Variants in PDGFC observed in about 807,000 individuals in gnomAD.
PDGFC encodes the protein platelet-derived growth factor C.
PDGFC carries 12 observed loss-of-function variants against 35.5 expected under a neutral mutation model. That is an observed-to-expected ratio of 0.34 (90% CI 0.22 to 0.55). PDGFC has a LOEUF of 0.55. PDGFC is among the 20% of genes least tolerant of loss of function. The pLI is 0.91. For missense variants in PDGFC, 322 were observed against 412.4 expected (o/e 0.78, Z 1.90); for synonymous variants, 159 against 148.8 (o/e 1.07, Z -0.50).
intron 1 of PDGFC, chr4:156,967,472 G>A (rs987111872): frequency 6.6e-6 from 1 of 152,126 alleles, no homozygotes. Context: ...CCGTAGCGAA[G>A]AGCGGCATAT....
chr4:156,928,003 C>G (rs1285039941), intron 1 of PDGFC, among the ~76,000 whole-genome samples: 1 of 152,182 alleles, frequency 6.6e-6, no homozygotes, highest in South Asian at 2.1e-4. Context: ...GCAATCCTTA[C>G]ATGGTGGTGG....
At chr4:156,948,413 G>T (rs773573457) in intron 1 of PDGFC, among the ~76,000 whole-genome samples, 11 of 151,862 alleles carry the variant, frequency 7.2e-5, no homozygotes, top group Non-Finnish European at 1.0e-4. Context: ...TCCACATCGA[G>T]CTCTGGGATA....
At chr4:156,845,793 T>C (rs544314614) in intron 2 of PDGFC, among the ~76,000 whole-genome samples, 1 of 152,010 alleles carries the variant, frequency 6.6e-6, no homozygotes, top group South Asian at 2.1e-4. Flanking sequence ...ACATTTAATA[T>C]GTGTTTACTT....
intron 1 of PDGFC, among the ~76,000 whole-genome samples, chr4:156,960,760 C>T (rs944800492): frequency 6.6e-6 from 1 of 151,880 alleles, no homozygotes; most frequent in Admixed American, 6.6e-5. Context: ...TTCACAAAAC[C>T]ACCAACTACT....
intron 1 of PDGFC, among the ~76,000 whole-genome samples, chr4:156,965,441 T>A (rs1000963128): frequency 1.1e-4 from 16 of 152,172 alleles, no homozygotes; most frequent in African/African-American, 3.9e-4. Flanking sequence ...TAAACAAGAA[T>A]ATCAAGGAGT....
chr4:156,863,411 C>T (rs1729763764), intron 1 of PDGFC, among the ~76,000 whole-genome samples: 1 of 152,092 alleles, frequency 6.6e-6, no homozygotes, highest in Admixed American at 6.6e-5. Context: ...TTTCCTATTG[C>T]CTCTTTATTC....
intron 1 of PDGFC, among the ~76,000 whole-genome samples, chr4:156,872,080 T>C: frequency 6.6e-6 from 1 of 152,136 alleles, no homozygotes; most frequent in East Asian, 1.9e-4. Context: ...CTATACACAA[T>C]GGAAGACGAC....
At chr4:156,969,543 AC>A (rs1449266470) in intron 1 of PDGFC, among the ~76,000 whole-genome samples, 2 of 152,228 alleles carry the variant, frequency 1.3e-5, no homozygotes, top group African/African-American at 4.8e-5. Flanking sequence ...ATACCCTAAA[AC>A]TTTCTGTGCT....
chr4:156,786,890 T>C (rs1731143367), intron 3 of PDGFC, among the ~76,000 whole-genome samples: 10 of 152,170 alleles, frequency 6.6e-5, no homozygotes, highest in Admixed American at 6.5e-4. Flanking sequence ...TTTAAAAGGA[T>C]CACACTCACT....
intron 1 of PDGFC, among the ~76,000 whole-genome samples, chr4:156,881,897 G>A (rs1730253243): frequency 6.7e-6 from 1 of 150,248 alleles, no homozygotes; most frequent in Non-Finnish European, 1.5e-5. Flanking sequence ...TGCCATCCAT[G>A]TAAGACATGA....
Position 156,970,928 on chromosome 4 carries a change from C to T in PDGFC, c.-25G>A. On this transcript the variant is annotated 5_prime_UTR_variant, in exon 1 of 6. It adds an upstream start codon to the 5' untranslated region. Transcript: ENST00000502773. ...TTTGGCTGACTGGGGTGAGAGCTCA[C>T]TCACGGCGGGCACTTTGGAAGCAGC... 2 of 1,499,616 alleles carry T rather than the reference C, an allele frequency of 1.3e-6. No individual in the cohort carries two copies. Among genetic ancestry groups the T allele is most frequent in the Admixed American group, 3.4e-5 (2 of 59,522 alleles). The allele number at this position is 1,499,616 out of a possible 1,614,324, so 92.9% of individuals were successfully genotyped here.
chr4:156,931,136 C>A (rs1303093850), intron 1 of PDGFC, among the ~76,000 whole-genome samples: 1 of 152,122 alleles, frequency 6.6e-6, no homozygotes, highest in African/African-American at 2.4e-5. Flanking sequence ...ATTGTGAAAG[C>A]AAAAGGCGTG....
chr4:156,763,032 A>G lies in PDGFC; in HGVS notation c.*58T>C. 1 of 859,720 alleles carries G rather than the reference A, an allele frequency of 1.2e-6. No homozygotes were observed. 53.3% of individuals were successfully genotyped at this position (859,720 alleles called of 1,614,324 possible). On this transcript the variant is annotated 3_prime_UTR_variant, in exon 6 of 6. Transcript: ENST00000502773. ...GATGGAGATAACGCATACGTTCTCT[A>G]ATAGAATCAGCCACTGCACTGCACA...
chr4:156,884,720 T>A (rs1730333156), intron 1 of PDGFC, among the ~76,000 whole-genome samples: 2 of 152,358 alleles, frequency 1.3e-5, no homozygotes, highest in South Asian at 4.1e-4. Flanking sequence ...AATTTAAATA[T>A]TTAAAACACA....
chr4:156,906,069 A>T lies in PDGFC; in HGVS notation c.119-55653T>A, dbSNP rs187184870. Among the ~76,000 whole-genome samples, 7 of 152,312 alleles carry T rather than the reference A, an allele frequency of 4.6e-5. No individual in the cohort carries two copies. In the East Asian group the frequency reaches 1.4e-3, roughly 29 times the overall value. ...AATCTATACATATGCATGTTTATGT[A>T]TATATGTTATAGATGACATATAACA... On this transcript the variant is annotated intron_variant, in intron 1 of 5. Transcript: ENST00000502773.
chr4:156,860,793 C>A (rs1729692648), intron 1 of PDGFC, among the ~76,000 whole-genome samples: 3 of 151,990 alleles, frequency 2.0e-5, no homozygotes, highest in Admixed American at 2.0e-4. Flanking sequence ...CACATAAACC[C>A]TCAAAGCATT....
chr4:156,930,264 T>A (rs1309661468), intron 1 of PDGFC, among the ~76,000 whole-genome samples: 1 of 152,172 alleles, frequency 6.6e-6, no homozygotes, highest in Non-Finnish European at 1.5e-5. Context: ...GGCAGACCTG[T>A]GTAAAAATAA....
chr4:156,933,017 G>A (rs544407241), intron 1 of PDGFC, among the ~76,000 whole-genome samples: 1 of 152,250 alleles, frequency 6.6e-6, no homozygotes, highest in Non-Finnish European at 1.5e-5. Flanking sequence ...CTTGTCTGTT[G>A]AGAACCTAGT....
At chr4:156,831,528 C>T (rs924433946) in intron 2 of PDGFC, among the ~76,000 whole-genome samples, 1 of 147,790 alleles carries the variant, frequency 6.8e-6, no homozygotes, top group Non-Finnish European at 1.5e-5. Context: ...ACTGCAACCT[C>T]CACCTCCCGA....
Sources: gnomAD v4.1 joint callset for allele counts (sites outside exome capture counted in the v4.1 genomes callset) on GRCh38, gnomAD v4.1.1 for gene constraint, MANE v1.5 for transcripts, NCBI Gene and HGNC (gene_info 2026-07-23, HGNC 2026-07-21) for gene names.